SERINC5: variants seen among roughly 807,000 people sequenced by gnomAD.
SERINC5 encodes the protein chromosome 5 open reading frame 12.
SERINC5 carries 41 observed loss-of-function variants against 63.1 expected under a neutral mutation model. The ratio of observed to expected loss-of-function variants is 0.65; its 90% CI spans 0.51 to 0.84. The LOEUF (loss-of-function observed/expected upper bound fraction) is 0.84, where lower values mean the gene tolerates loss of function less well. Ranked by LOEUF, SERINC5 falls within the 40% of genes least tolerant of loss-of-function variation. The probability of loss-of-function intolerance (pLI) is 0.00; values close to 1 mark genes in which losing one functional copy is unlikely to be tolerated. For missense variants in SERINC5, 523 were observed against 573.0 expected (o/e 0.91, Z 0.89); for synonymous variants, 222 against 215.2 (o/e 1.03, Z -0.28).
intron 11 of SERINC5, among the ~76,000 whole-genome samples, chr5:80,123,837 G>A (rs1328441157): frequency 1.3e-5 from 2 of 152,122 alleles, no homozygotes; most frequent in African/African-American, 2.4e-5. Context: ...TTCTGATATC[G>A]TGTCCTGTAA....
At chr5:80,244,060 T>C (rs1041205392) in intron 1 of SERINC5, among the ~76,000 whole-genome samples, 3 of 152,060 alleles carry the variant, frequency 2.0e-5, no homozygotes, top group Non-Finnish European at 4.4e-5. Flanking sequence ...CCTACTACCA[T>C]CCTTTTAGGC....
chr5:80,244,251 T>C (rs1246623631), intron 1 of SERINC5, among the ~76,000 whole-genome samples: 8 of 151,730 alleles, frequency 5.3e-5, no homozygotes, highest in Non-Finnish European at 1.0e-4. Flanking sequence ...GGTCTCGTTC[T>C]GTCACCCAGG....
chr5:80,178,766 A>G (rs1333222416), intron 2 of SERINC5, among the ~76,000 whole-genome samples: 1 of 146,344 alleles, frequency 6.8e-6, no homozygotes, highest in Non-Finnish European at 1.5e-5. Flanking sequence ...TTCTTTTACT[A>G]TCCACCCAAA....
chr5:80,240,053 A>C (rs1308985378), intron 1 of SERINC5, among the ~76,000 whole-genome samples: 2 of 152,142 alleles, frequency 1.3e-5, no homozygotes. Context: ...TACTTTGAAA[A>C]CACAAAATTG....
In SERINC5 at chr5:80,139,866, C is replaced by T. The variant is rs528177813; in HGVS notation, c.*3797G>A. On this transcript the variant is annotated 3_prime_UTR_variant, in exon 12 of 12. Transcript: ENST00000507668. ...CTTAGTTGTAGGTTGGGCCCTCTTT[C>T]GTTTCCAAGAGGTATAGGACACTAG... is the stretch of plus-strand genomic sequence containing the variant. 6.1e-6 allele frequency: 6 copies of T among 985,258 alleles called. No homozygotes were observed. The highest frequency in any genetic ancestry group is 1.0e-3 in the Middle Eastern group (2 of 1,914). The allele number at this position is 985,258 out of a possible 1,614,324, so 61.0% of individuals were successfully genotyped here.
At chr5:80,168,803 CAT>C (rs1208170213) in intron 6 of SERINC5, among the ~76,000 whole-genome samples, 2 of 152,216 alleles carry the variant, frequency 1.3e-5, no homozygotes, top group Admixed American at 6.5e-5. Flanking sequence ...GTCAGGCTCA[CAT>C]GTTTCCACTG....
intron 1 of SERINC5, among the ~76,000 whole-genome samples, chr5:80,245,804 G>C (rs1473278379): frequency 6.6e-6 from 1 of 151,272 alleles, no homozygotes; most frequent in South Asian, 2.1e-4. Context: ...TAGTAGAGAC[G>C]GGGCTTCACC....
chr5:80,229,565 G>A (rs1176628855), intron 1 of SERINC5, among the ~76,000 whole-genome samples: 1 of 152,110 alleles, frequency 6.6e-6, no homozygotes, highest in African/African-American at 2.4e-5. Flanking sequence ...CCTTAATGTA[G>A]GGAGAAATCT....
chr5:80,177,645 T>A (rs907161815), intron 3 of SERINC5, among the ~76,000 whole-genome samples: 3 of 152,198 alleles, frequency 2.0e-5, no homozygotes, highest in African/African-American at 7.2e-5. Flanking sequence ...GGGGAAGGTC[T>A]TGGAACAAGA....
intron 1 of SERINC5, among the ~76,000 whole-genome samples, chr5:80,212,194 C>A (rs56040222): frequency 0.15 from 23,377 of 152,124 alleles, 2,076 homozygotes; most frequent in Admixed American, 0.19. Context: ...TAATACTGTT[C>A]CTTAATAAAC....
At position 80,141,309 on chromosome 5, in the gene SERINC5, G is replaced by A; in HGVS notation, c.*2354C>T. The A allele has an allele frequency of 1.0e-6, 1 of 985,432 alleles. No homozygotes were observed. The highest frequency in any genetic ancestry group is 1.2e-6 in the Non-Finnish European group (1 of 829,928). 61.0% of individuals were successfully genotyped at this position (985,432 alleles called of 1,614,324 possible). A position where few individuals can be genotyped will look rare whatever the true frequency, so the allele number is the denominator to read the frequency against. On this transcript the variant is annotated 3_prime_UTR_variant, in exon 12 of 12. Transcript: ENST00000507668. ...CGCATCTGGAAAACGTTGTGTGGCT[G>A]GGCTGGCTCCAGAAGGAAGCGACGA... is the stretch of plus-strand genomic sequence containing the variant.
intron 2 of SERINC5, among the ~76,000 whole-genome samples, chr5:80,183,896 A>G (rs186657411): frequency 5.9e-5 from 9 of 152,116 alleles, no homozygotes; most frequent in Admixed American, 5.9e-4. Flanking sequence ...ACCGACGCGC[A>G]TGAAAGGAAG....
Position 80,174,946 on chromosome 5 carries a change from G to GC in SERINC5, c.551+7dup. 6.3e-7 allele frequency: 1 copy of GC among 1,578,168 alleles called. No individual in the cohort carries two copies. The highest frequency in any genetic ancestry group is 8.6e-7 in the Non-Finnish European group (1 of 1,158,182). On this transcript the variant is annotated splice_region_variant and intron_variant, in intron 5 of 11. Coordinates refer to ENST00000507668, the MANE Select transcript of SERINC5 (RefSeq NM_001174072.3). ...AGTCAATGGGAAGCTTTCCATAAAG[G>GC]CACACACCAGTTCTTGTTCCACTTA...
At chr5:80,243,491 C>CA (rs1752036600) in intron 1 of SERINC5, among the ~76,000 whole-genome samples, 2 of 151,904 alleles carry the variant, frequency 1.3e-5, no homozygotes, top group African/African-American at 4.8e-5. Flanking sequence ...GATTCAAACA[C>CA]AGATGCACAC....
At position 80,174,956 on chromosome 5, in the gene SERINC5, G is replaced by A. The variant is rs771353075; in HGVS notation, c.549C>T (p.Asn183=). The change falls in exon 5 of 12, where the codon AAC becomes AAT. Residue 183 remains asparagine (N), a splice_region_variant and synonymous_variant. Coordinates refer to ENST00000507668, the MANE Select transcript of SERINC5 (RefSeq NM_001174072.3). ...LVEFAHKWNK[N]WTAGTASNKL... ...AAGCTTTCCATAAAGGCACACACCA[G>A]TTCTTGTTCCACTTATGTGCAAACT... The A allele has an allele frequency of 1.2e-5, 19 of 1,594,042 alleles. No homozygotes were observed. Among genetic ancestry groups the A allele is most frequent in the Non-Finnish European group, 2.6e-6 (3 of 1,169,492 alleles).
At chr5:80,213,135 A>C (rs1350605153) in intron 1 of SERINC5, among the ~76,000 whole-genome samples, 2 of 151,746 alleles carry the variant, frequency 1.3e-5, no homozygotes, top group African/African-American at 2.4e-5. Flanking sequence ...AATCCCAGCT[A>C]CTCAGGAGGC....
At chr5:80,230,640 TC>T (rs1253961155) in intron 1 of SERINC5, among the ~76,000 whole-genome samples, 2 of 152,014 alleles carry the variant, frequency 1.3e-5, no homozygotes, top group Non-Finnish European at 2.9e-5. Context: ...GCACAATCTC[TC>T]CCAACCTGTC....
intron 5 of SERINC5, among the ~76,000 whole-genome samples, chr5:80,169,828 T>C (rs1346424586): frequency 2.0e-5 from 3 of 152,140 alleles, no homozygotes; most frequent in Non-Finnish European, 1.5e-5. Flanking sequence ...TTCATTAAAA[T>C]GAATAATGTC....
At chr5:80,184,591 T>C (rs747442509) in intron 2 of SERINC5, among the ~76,000 whole-genome samples, 6 of 152,162 alleles carry the variant, frequency 3.9e-5, no homozygotes, top group Non-Finnish European at 7.4e-5. Context: ...CAAGACCTCC[T>C]TTATACTCTG....
Sources: allele counts gnomAD v4.1 joint callset (sites outside exome capture counted in the v4.1 genomes callset), GRCh38; gene constraint gnomAD v4.1.1; transcripts MANE v1.5; gene names NCBI Gene and HGNC (gene_info 2026-07-23, HGNC 2026-07-21).